Variants in ICA1 observed in about 807,000 individuals in gnomAD.
The protein encoded by ICA1 is 69 kDa islet cell autoantigen.
ICA1 carries 40 observed loss-of-function variants against 71.0 expected under a neutral mutation model. That is an observed-to-expected ratio of 0.56 (90% confidence interval 0.44 to 0.73). ICA1 has a LOEUF of 0.73. ICA1 is among the 30% of genes least tolerant of loss of function. The probability of loss-of-function intolerance (pLI) is 0.00; values close to 1 mark genes in which losing one functional copy is unlikely to be tolerated. For missense variants in ICA1, 578 were observed against 576.5 expected (o/e 1.00, Z -0.03); for synonymous variants, 207 against 209.5 (o/e 0.99, Z 0.10).
rs1234731853 is a variant in ICA1, at chr7:8,143,957, T to A, written c.820A>T (p.Met274Leu). The A allele has an allele frequency of 6.3e-7, 1 of 1,591,950 alleles. No homozygotes were observed. The highest frequency in any genetic ancestry group is 2.2e-5 in the East Asian group (1 of 44,748). ...FTTLKSLQDP[M>L]KKLVEKEEKK... ...TCTTCTTTCTCAACTAATTTTTTCA[T>A]AGGGTCTTGTAAGCTCTTGATCACG... Residue 274 changes from methionine (M) to leucine (L), a missense_variant, in exon 9 of 14, where the codon ATG becomes TTG. Transcript: ENST00000402384.
At chr7:8,134,528 C>G (rs1420574855) in intron 12 of ICA1, among the ~76,000 whole-genome samples, 1 of 152,186 alleles carries the variant, frequency 6.6e-6, no homozygotes, top group African/African-American at 2.4e-5. Flanking sequence ...AAGACTCCAT[C>G]TCTCTGGTTT....
At chr7:8,216,393 T>C (rs929626492) in intron 6 of ICA1, among the ~76,000 whole-genome samples, 2 of 152,094 alleles carry the variant, frequency 1.3e-5, no homozygotes, top group African/African-American at 4.8e-5. Context: ...CCAGCACACA[T>C]GGGATTGGGG....
chr7:8,129,369 T>TTC (rs2128074977), intron 12 of ICA1, among the ~76,000 whole-genome samples: 1 of 151,596 alleles, frequency 6.6e-6, no homozygotes, highest in African/African-American at 2.4e-5. Context: ...AGTAAAGGCT[T>TTC]TTTTTTTAAA....
chr7:8,245,468 T>C (rs1055955422), intron 1 of ICA1, among the ~76,000 whole-genome samples: 2 of 151,648 alleles, frequency 1.3e-5, no homozygotes, highest in Admixed American at 6.6e-5. Flanking sequence ...AAATGACAGG[T>C]TGATGGGTAC....
At chr7:8,142,159 C>G in intron 9 of ICA1, 3 of 503,668 alleles carry the variant, frequency 6.0e-6, no homozygotes, top group Non-Finnish European at 9.7e-6. Flanking sequence ...CAATCAGAAT[C>G]CATTTCTTCT....
At chr7:8,180,465 T>C (rs977871386) in intron 6 of ICA1, among the ~76,000 whole-genome samples, 1 of 152,166 alleles carries the variant, frequency 6.6e-6, no homozygotes, top group Non-Finnish European at 1.5e-5. Flanking sequence ...GTTGCAGCTA[T>C]TATGAAAATA....
rs1796282721 is a variant in ICA1 at position 8,144,646 on chromosome 7, T to TC, written c.805-675_805-674insG. Among the ~76,000 whole-genome samples the TC allele has an allele frequency of 1.3e-5, 2 of 151,764 alleles. No homozygotes were observed. Among genetic ancestry groups the TC allele is most frequent in the African/African-American group, 2.4e-5 (1 of 41,280 alleles). On this transcript the variant is annotated intron_variant, in intron 8 of 13. Coordinates refer to ENST00000402384, the MANE Select transcript of ICA1 (RefSeq NM_001136020.3). This position sits in a 1 kb window ranked among gnomAD's most constrained non-coding sequence, Gnocchi z 4.5. ...GTTAACTAAATATTTAAGTTTTTTTTTTTAAACAGCAAGTGCCTAGAAACT... is the reference window on the plus strand; with the variant it reads ...GTTAACTAAATATTTAAGTTTTTTTTCTTTAAACAGCAAGTGCCTAGAAACT...
rs533489790 is a variant in ICA1, at chr7:8,193,445, C to T, written c.579+24860G>A. Among the ~76,000 whole-genome samples the T allele has an allele frequency of 7.9e-5, 12 of 152,252 alleles. No homozygotes were observed. The South Asian group carries it at 1.5e-3, about 18-fold the overall frequency. On this transcript the variant is annotated intron_variant, in intron 6 of 13. Transcript: ENST00000402384. ...CTTATCTGCTCAATCCTGGAATGCA[C>T]GAAGAATAGTTTCAGAACTGCTAAC...
chr7:8,195,809 C>G (rs552079267), intron 6 of ICA1, among the ~76,000 whole-genome samples: 3 of 152,202 alleles, frequency 2.0e-5, no homozygotes, highest in Admixed American at 6.5e-5. Context: ...GAAACCCCAT[C>G]TCTACTAAAA....
intron 9 of ICA1, among the ~76,000 whole-genome samples, chr7:8,143,650 C>G (rs570806481): frequency 6.6e-6 from 1 of 152,274 alleles, no homozygotes; most frequent in Admixed American, 6.5e-5. Context: ...CACAAGTGTG[C>G]CCTTCTAAGT....
intron 1 of ICA1, among the ~76,000 whole-genome samples, chr7:8,249,879 T>C (rs1375880532): frequency 6.6e-6 from 1 of 152,240 alleles, no homozygotes; most frequent in East Asian, 1.9e-4. Context: ...GGTATTTGGG[T>C]TTATTTCTCT....
intron 6 of ICA1, among the ~76,000 whole-genome samples, chr7:8,161,115 T>C (rs943723615): frequency 3.3e-5 from 5 of 152,192 alleles, no homozygotes; most frequent in African/African-American, 1.2e-4. Flanking sequence ...ATTCAACACG[T>C]ATTTACTGAG....
rs117717825 is a variant in ICA1 at position 8,131,006 on chromosome 7, G to A, written c.1061-2864C>T. Among the ~76,000 whole-genome samples the A allele has an allele frequency of 2.0e-3, 305 of 152,300 alleles. 6 individuals are homozygous for A. The highest frequency in any genetic ancestry group is 0.016 in the Admixed American group (246 of 15,298). On this transcript the variant is annotated intron_variant, in intron 12 of 13. Transcript: ENST00000402384. ...CTCCACCCCAGTGAATGACTGATGA[G>A]GCTGGCCAGAGTCCTCCATCCCCCA...
chr7:8,119,004 A>G (rs1785742038), intron 13 of ICA1, among the ~76,000 whole-genome samples: 1 of 152,206 alleles, frequency 6.6e-6, no homozygotes, highest in Admixed American at 6.5e-5. Flanking sequence ...AAAGTTTGGG[A>G]AGCACTTCCT....
chr7:8,252,884 T>C (rs1808674758), intron 1 of ICA1, among the ~76,000 whole-genome samples: 1 of 152,212 alleles, frequency 6.6e-6, no homozygotes, highest in Non-Finnish European at 1.5e-5. Context: ...TTTTTAGTTT[T>C]TGTTTGTTTT....
rs1389691516 is a variant in ICA1, at chr7:8,158,638, C to T, written c.594G>A (p.Val198=). ...TGTCAAAGTTTTTTTTTGCAAGGCG[C>T]ACTTGTGTTTGTACCTATGAAAATA... The part of the protein sequence containing the change: ...MEKFRKVQTQ[V]RLAKKNFDKL... The change falls in exon 7 of 14, where the codon GTG becomes GTA. Residue 198 remains valine (V), a synonymous_variant. Coordinates refer to ENST00000402384, the MANE Select transcript of ICA1 (RefSeq NM_001136020.3). 7 of 1,613,840 alleles carry T rather than the reference C, an allele frequency of 4.3e-6. No homozygotes were observed. Among genetic ancestry groups the T allele is most frequent in the Non-Finnish European group, 5.9e-6 (7 of 1,179,966 alleles).
At chr7:8,235,607 G>A (rs918366312) in intron 2 of ICA1, among the ~76,000 whole-genome samples, 3 of 152,088 alleles carry the variant, frequency 2.0e-5, no homozygotes, top group South Asian at 2.1e-4. Flanking sequence ...TAATAAAAAC[G>A]CATCAACTCA....
At chr7:8,227,737 C>T (rs914902597) in intron 4 of ICA1, 16 of 408,652 alleles carry the variant, frequency 3.9e-5, no homozygotes, top group Admixed American at 2.6e-4. Flanking sequence ...GCACGGTACC[C>T]GGATAATTTT....
At chr7:8,159,978 T>C (rs894322526) in intron 6 of ICA1, among the ~76,000 whole-genome samples, 7 of 152,098 alleles carry the variant, frequency 4.6e-5, no homozygotes, top group African/African-American at 1.7e-4. Context: ...GAAGTAACAC[T>C]GATGTATTAA....
Sources: gnomAD v4.1 joint callset for allele counts (sites outside exome capture counted in the v4.1 genomes callset) on GRCh38, gnomAD v4.1.1 for gene constraint, Gnocchi (gnomAD v3.1) non-coding constraint, MANE v1.5 for transcripts, NCBI Gene and HGNC (gene_info 2026-07-23, HGNC 2026-07-21) for gene names.